SRGAP2B: variants seen among roughly 807,000 people sequenced by gnomAD.
The protein encoded by SRGAP2B is SLIT-ROBO Rho GTPase-activating protein 2B.
In SRGAP2B, 9 loss-of-function variants were observed where a neutral mutation model predicts 22.2. The ratio of observed to expected loss-of-function variants is 0.41; its 90% CI spans 0.24 to 0.71. The LOEUF is 0.71. SRGAP2B is among the 30% of genes least tolerant of loss of function. The probability of loss-of-function intolerance (pLI) is 0.35; values close to 1 mark genes in which losing one functional copy is unlikely to be tolerated. For missense variants in SRGAP2B, 114 were observed against 235.8 expected, an observed-to-expected ratio of 0.48 and a Z score of 3.38; for synonymous variants, 36 against 87.4, an observed-to-expected ratio of 0.41 and a Z score of 3.28.
rs1157601790 is a variant in SRGAP2B, at chr1:145,024,148, TTTTG to T, written c.68-28952_68-28949del. Reference sequence around the variant, plus strand: ...AGATTTTTTTTTAACCACCCTAGTTTTTTGTTTGTTTGTTTTAGACAGGGTCTTG... The same window carrying T: ...AGATTTTTTTTTAACCACCCTAGTTTTTTGTTTGTTTTAGACAGGGTCTTG... On this transcript the variant is annotated intron_variant, in intron 2 of 9. Transcript: ENST00000612199. Among the ~76,000 whole-genome samples, 3 of 39,408 alleles carry T rather than the reference TTTTG, an allele frequency of 7.6e-5. No homozygotes were observed. The Admixed American group carries it at 8.3e-4, about 11-fold the overall frequency. The allele number at this position is 39,408 out of a possible 152,430, so 25.9% of individuals were successfully genotyped here. A position where few individuals can be genotyped will look rare whatever the true frequency, so the allele number is the denominator to read the frequency against.
intron 2 of SRGAP2B, among the ~76,000 whole-genome samples, chr1:145,076,461 T>C (rs1288496304): frequency 6.6e-6 from 1 of 150,464 alleles, no homozygotes; most frequent in Non-Finnish European, 1.5e-5. Context: ...CATAGAATAC[T>C]GCTCAGCAAT....
chr1:145,026,752 C>G (rs1287087356), intron 2 of SRGAP2B, among the ~76,000 whole-genome samples: 1 of 146,800 alleles, frequency 6.8e-6, no homozygotes, highest in Non-Finnish European at 1.5e-5. Flanking sequence ...ATAGGTTCTT[C>G]CCCATGAGTC....
chr1:144,984,366 A>AAC lies in SRGAP2B; in HGVS notation c.260+10641_260+10642insGT, dbSNP rs1491549431. 4.3e-3 allele frequency among the ~76,000 whole-genome samples: 214 copies of AAC among 50,270 alleles called. 6 individuals are homozygous for AAC. The highest frequency in any genetic ancestry group is 0.018 in the Middle Eastern group (2 of 114). 33.0% of individuals were successfully genotyped at this position (50,270 alleles called of 152,430 possible). ...CAACAACAACAACAACAACAACAAC[A>AAC]AAAAAAAAAAAACAAAAAAGCCCCT... On this transcript the variant is annotated intron_variant, in intron 3 of 9. Coordinates refer to ENST00000612199, the Ensembl canonical transcript of SRGAP2B.
chr1:144,985,384 G>A (rs1553615770), intron 3 of SRGAP2B, among the ~76,000 whole-genome samples: 1 of 146,412 alleles, frequency 6.8e-6, no homozygotes, highest in Non-Finnish European at 1.5e-5. Context: ...CAGAAATGTA[G>A]AAGTATTGCT....
intron 4 of SRGAP2B, among the ~76,000 whole-genome samples, chr1:144,939,415 G>GT (rs1389438470): frequency 2.7e-5 from 4 of 149,458 alleles, no homozygotes; most frequent in African/African-American, 5.1e-5. Flanking sequence ...TCATGAATCT[G>GT]TTTTTTTTCC....
At chr1:144,964,758 A>G (rs587693070) in intron 3 of SRGAP2B, among the ~76,000 whole-genome samples, 2 of 150,726 alleles carry the variant, frequency 1.3e-5, no homozygotes, top group East Asian at 3.9e-4. Flanking sequence ...CACCTGTTTT[A>G]AAAAGTAAAT....
intron 3 of SRGAP2B, among the ~76,000 whole-genome samples, chr1:144,991,202 T>C (rs1395724289): frequency 6.7e-6 from 1 of 150,340 alleles, no homozygotes; most frequent in Non-Finnish European, 1.5e-5. Context: ...TCAAGGTTTG[T>C]GAGTGCACCA....
intron 2 of SRGAP2B, among the ~76,000 whole-genome samples, chr1:145,036,023 C>T (rs1262290625): frequency 3.7e-5 from 5 of 136,852 alleles, no homozygotes; most frequent in African/African-American, 1.2e-4. Flanking sequence ...GTAATACATG[C>T]GAACAAAAGC....
At chr1:144,955,588 C>T (rs782053712) in exon 4 of SRGAP2B, 6 of 850,954 alleles carry the variant, frequency 7.1e-6, no homozygotes, top group East Asian at 2.5e-5. Context: ...GGAGAGAGAA[C>T]ATTCTGATCC....
intron 2 of SRGAP2B, among the ~76,000 whole-genome samples, chr1:145,007,803 T>TTC (rs1671711165): frequency 2.0e-5 from 2 of 98,606 alleles, no homozygotes; most frequent in East Asian, 4.8e-4. Flanking sequence ...TTTCTTCTTC[T>TTC]TTTTTTTTTT....
At chr1:144,985,595 G>A (rs1474873067) in intron 3 of SRGAP2B, among the ~76,000 whole-genome samples, 1 of 150,802 alleles carries the variant, frequency 6.6e-6, no homozygotes, top group African/African-American at 2.5e-5. Flanking sequence ...GACAATCAAA[G>A]GCTCAGCAAC....
At chr1:144,984,052 G>A (rs1269387061) in intron 3 of SRGAP2B, among the ~76,000 whole-genome samples, 19 of 150,818 alleles carry the variant, frequency 1.3e-4, no homozygotes, top group Admixed American at 1.2e-3. Flanking sequence ...TGGGCACAGA[G>A]GCTTATGCCT....
chr1:145,091,271 C>A, intron 2 of SRGAP2B, among the ~76,000 whole-genome samples: 1 of 40,680 alleles, frequency 2.5e-5, no homozygotes, highest in Non-Finnish European at 3.8e-5. Context: ...GTTAAAACTG[C>A]AGGGGGGATT....
chr1:144,981,256 A>G (rs1168862205), intron 3 of SRGAP2B, among the ~76,000 whole-genome samples: 6 of 89,612 alleles, frequency 6.7e-5, no homozygotes, highest in Non-Finnish European at 1.2e-4. Flanking sequence ...AGTTAGACAC[A>G]TTGCTTCCTG....
intron 4 of SRGAP2B, among the ~76,000 whole-genome samples, chr1:144,924,780 C>G (rs1435751840): frequency 6.9e-6 from 1 of 144,166 alleles, no homozygotes; most frequent in Admixed American, 6.8e-5. Flanking sequence ...AGTTGTCAGG[C>G]GCAGTATCCA....
intron 4 of SRGAP2B, chr1:144,918,190 T>A (rs1664007250): frequency 7.7e-6 from 1 of 129,240 alleles, no homozygotes; most frequent in Non-Finnish European, 1.6e-5. Flanking sequence ...CATCTCAACA[T>A]TGCAGGAAAC....
chr1:145,068,254 C>T (rs1175693603), intron 2 of SRGAP2B, among the ~76,000 whole-genome samples: 3 of 148,346 alleles, frequency 2.0e-5, no homozygotes, highest in Non-Finnish European at 4.4e-5. Flanking sequence ...AAAGCAGGGA[C>T]TTCCTCAGTC....
chr1:144,992,536 ATTT>A (rs1553617492), intron 3 of SRGAP2B, among the ~76,000 whole-genome samples: 1 of 139,264 alleles, frequency 7.2e-6, no homozygotes, highest in Admixed American at 7.2e-5. Flanking sequence ...CTAAAATAAC[ATTT>A]TTTTATCAGA....
intron 2 of SRGAP2B, among the ~76,000 whole-genome samples, chr1:145,007,315 T>A (rs1391672555): frequency 6.7e-6 from 1 of 149,838 alleles, no homozygotes; most frequent in Non-Finnish European, 1.5e-5. Context: ...TACGGCCTCA[T>A]GTGGTTGTCT....
Sources: allele counts gnomAD v4.1 joint callset (sites outside exome capture counted in the v4.1 genomes callset), GRCh38; gene constraint gnomAD v4.1.1; transcripts MANE v1.5; gene names NCBI Gene and HGNC (gene_info 2026-07-23, HGNC 2026-07-21).